PHF12: variants seen among roughly 807,000 people sequenced by gnomAD.
The protein encoded by PHF12 is PHD finger protein 12.
A neutral mutation model predicts 99.8 loss-of-function variants in PHF12; 6 were observed. That is an observed-to-expected ratio of 0.06 (90% CI 0.03 to 0.12). The LOEUF (loss-of-function observed/expected upper bound fraction) is 0.12. Ranked by LOEUF, PHF12 falls within the 10% of genes least tolerant of loss-of-function variation. The pLI is 1.00. For missense variants in PHF12, 954 were observed against 1,300.1 expected (o/e 0.73, Z 4.09); for synonymous variants, 480 against 514.9 (o/e 0.93, Z 0.92).
intron 6 of PHF12, 86 bp from the exon 7 acceptor site, chr17:28,917,535 T>G (rs1392746287): frequency 4.9e-6 from 7 of 1,441,888 alleles, no homozygotes; most frequent in Non-Finnish European, 5.6e-6. Flanking sequence ...GTTTAAAAAC[T>G]AGAAGCCCTC....
At position 28,929,031 on chromosome 17, in the gene PHF12, G is replaced by A. The variant is rs1011886837; in HGVS notation, c.249-1968C>T. ...GAATCGCTTGAACCTGGGAAGTGGAGGTTGCAGTGAGCCGAGACAGTGCCA... is the reference window on the plus strand; with the variant it reads ...GAATCGCTTGAACCTGGGAAGTGGAAGTTGCAGTGAGCCGAGACAGTGCCA... On this transcript the variant is annotated intron_variant, in intron 2 of 14. Transcript: ENST00000332830. Among the ~76,000 whole-genome samples, 20 of 151,258 alleles carry A rather than the reference G, an allele frequency of 1.3e-4. No homozygotes were observed. The East Asian group carries it at 4.0e-3, about 30-fold the overall frequency.
chr17:28,926,921 G>C, intron 3 of PHF12, 70 bp downstream of exon 3: 1 of 1,605,892 alleles, frequency 6.2e-7, no homozygotes, highest in Non-Finnish European at 8.5e-7. Context: ...GGGCTAGGCC[G>C]TCTTAGCTCT....
In PHF12 at chr17:28,950,333, C is replaced by T; in HGVS notation, c.67-87G>A. 1 of 1,356,744 alleles carries T rather than the reference C, an allele frequency of 7.4e-7. No individual in the cohort carries two copies. Among genetic ancestry groups the T allele is most frequent in the Non-Finnish European group, 9.9e-7 (1 of 1,005,656 alleles). 84.0% of individuals were successfully genotyped at this position (1,356,744 alleles called of 1,614,324 possible). On this transcript the variant is annotated intron_variant, in intron 1 of 14. Coordinates refer to ENST00000332830, the MANE Select transcript of PHF12 (RefSeq NM_001033561.2). This position sits in a 1 kb window ranked among gnomAD's most constrained non-coding sequence, Gnocchi z 5.7. Reference sequence around the variant, plus strand: ...CCCGGCGCGGTTTCTCCGTCACCCACCCCTCTCCCCCCTTTTGTCCTTCTT... The same window carrying T: ...CCCGGCGCGGTTTCTCCGTCACCCATCCCTCTCCCCCCTTTTGTCCTTCTT...
intron 2 of PHF12, among the ~76,000 whole-genome samples, chr17:28,939,265 T>C (rs1411072112): frequency 6.6e-6 from 1 of 152,212 alleles, no homozygotes; most frequent in African/African-American, 2.4e-5. Flanking sequence ...AAACAATGTT[T>C]ATTAAAAAGC....
intron 2 of PHF12, among the ~76,000 whole-genome samples, chr17:28,935,942 TTC>T (rs765484047): frequency 2.0e-5 from 3 of 152,172 alleles, no homozygotes; most frequent in Non-Finnish European, 4.4e-5. Context: ...ACTGACAGAT[TTC>T]TGTTTCAAAG....
intron 9 of PHF12, 181 bp from the exon 10 acceptor site, chr17:28,911,418 C>T (rs947913259): frequency 4.0e-6 from 3 of 752,366 alleles, no homozygotes; most frequent in South Asian, 1.9e-5. Flanking sequence ...GCAGATGGAA[C>T]GACAAAGCAC....
chr17:28,909,152 G>A, intron 11 of PHF12: 1 of 420,620 alleles, frequency 2.4e-6, no homozygotes, highest in South Asian at 3.2e-5. Flanking sequence ...CTGGGCTCCT[G>A]GCTGGCTAAT....
chr17:28,921,182 C>A (rs1191302109), intron 5 of PHF12, among the ~76,000 whole-genome samples: 1 of 150,612 alleles, frequency 6.6e-6, no homozygotes, highest in African/African-American at 2.4e-5. Flanking sequence ...CAGCGCCCGG[C>A]CCCTTGTTTT....
chr17:28,920,998 A>C (rs750719574), intron 5 of PHF12, among the ~76,000 whole-genome samples: 6 of 150,718 alleles, frequency 4.0e-5, no homozygotes, highest in Non-Finnish European at 8.9e-5. Context: ...CTCAGCCTTC[A>C]GAGTAGCTGG....
At chr17:28,907,424 G>A (rs1567946394) in intron 13 of PHF12, 166 bp downstream of exon 13, 2 of 652,620 alleles carry the variant, frequency 3.1e-6, no homozygotes, top group Non-Finnish European at 5.1e-6. Flanking sequence ...CAGGTAGGAT[G>A]CTATTTCACA....
intron 2 of PHF12, among the ~76,000 whole-genome samples, chr17:28,943,476 A>G (rs1425686128): frequency 6.6e-6 from 1 of 152,136 alleles, no homozygotes; most frequent in Admixed American, 6.5e-5. Flanking sequence ...CTAAAATTAC[A>G]AAAATTAGTC....
Position 28,949,886 on chromosome 17 carries a change from C to A in PHF12, c.248+179G>T. 1.5e-6 allele frequency: 1 copy of A among 686,458 alleles called. No homozygotes were observed. The allele number at this position is 686,458 out of a possible 1,614,324, so 42.5% of individuals were successfully genotyped here. A position where few individuals can be genotyped will look rare whatever the true frequency, so the allele number is the denominator to read the frequency against. On this transcript the variant is annotated intron_variant, in intron 2 of 14. Coordinates refer to ENST00000332830, the MANE Select transcript of PHF12 (RefSeq NM_001033561.2). The surrounding 1 kb of genome is among the most constrained non-coding windows in gnomAD (Gnocchi z 4.6). ...GTCCGGACCCACCGCTGCTCCTCCC[C>A]GCTAAACTGCCAGAACCCGGCGGAC... is the stretch of plus-strand genomic sequence containing the variant.
In PHF12 at chr17:28,914,055, A is replaced by G. The variant is rs200732143; in HGVS notation, c.1135-18T>C. On this transcript the variant is annotated intron_variant, in intron 7 of 14. Transcript: ENST00000332830. ...TCAGGAACCTGTTCAGGATAGATAG[A>G]AGGAGGAAGGAGAGGGAGATAGTTC... 1.9e-5 allele frequency: 30 copies of G among 1,583,096 alleles called. No individual in the cohort carries two copies. The highest frequency in any genetic ancestry group is 2.3e-5 in the East Asian group (1 of 44,164).
chr17:28,942,729 C>T (rs1453430000), intron 2 of PHF12, among the ~76,000 whole-genome samples: 9 of 151,770 alleles, frequency 5.9e-5, no homozygotes. Flanking sequence ...GGCAGGAGAA[C>T]CACTTGAACC....
At chr17:28,921,863 G>A (rs2040172920) in intron 4 of PHF12, 55 bp from the exon 5 acceptor site, 6 of 1,603,832 alleles carry the variant, frequency 3.7e-6, no homozygotes, top group Non-Finnish European at 4.3e-6. Context: ...TTCCTAGCCT[G>A]CAATATGGAA....
At chr17:28,933,139 G>GA (rs1186977151) in intron 2 of PHF12, among the ~76,000 whole-genome samples, 1 of 152,034 alleles carries the variant, frequency 6.6e-6, no homozygotes, top group African/African-American at 2.4e-5. Flanking sequence ...TCCTTTATAA[G>GA]AAAAAATCAT....
chr17:28,951,154 G>A lies in PHF12; in HGVS notation c.-194C>T. ...GACGACAGCGTCCTCCCGACGGGCCGCGAGGGGGGAGCGGCCCCTCAGTCC... is the reference window on the plus strand; with the variant it reads ...GACGACAGCGTCCTCCCGACGGGCCACGAGGGGGGAGCGGCCCCTCAGTCC... On this transcript the variant is annotated 5_prime_UTR_variant, in exon 1 of 15. Coordinates refer to ENST00000332830, the MANE Select transcript of PHF12 (RefSeq NM_001033561.2). 1 of 1,426,066 alleles carries A rather than the reference G, an allele frequency of 7.0e-7. No homozygotes were observed. The highest frequency in any genetic ancestry group is 1.5e-5 in the South Asian group (1 of 67,434). 88.3% of individuals were successfully genotyped at this position (1,426,066 alleles called of 1,614,324 possible).
chr17:28,942,964 C>T (rs2040648117), intron 2 of PHF12, among the ~76,000 whole-genome samples: 1 of 151,970 alleles, frequency 6.6e-6, no homozygotes, highest in Non-Finnish European at 1.5e-5. Flanking sequence ...TCTCATAACT[C>T]AATTAAAAAA....
In PHF12 at chr17:28,910,246, G is replaced by A; in HGVS notation, c.2339C>T (p.Ser780Phe). 1 of 1,614,116 alleles carries A rather than the reference G, an allele frequency of 6.2e-7. No individual in the cohort carries two copies. Among genetic ancestry groups the A allele is most frequent in the East Asian group, 2.2e-5 (1 of 44,904 alleles). ...PGSVGTHQLA[S>F]GGHHIEVQRK... The stretch of plus-strand genomic sequence containing the variant: ...CGCACCTTCTATGTGGTGCCCTCCA[G>A]AAGCCAGCTGATGTGTCCCGACACT... Residue 780 changes from serine to phenylalanine, a missense_variant, in exon 11 of 15, where the codon TCT (serine) becomes TTT (phenylalanine). Ser to Phe is a radical substitution (Grantham distance 155). Around this residue, in one of 8 missense-constraint regions of PHF12, gnomAD observed 143 missense variants for 191.8 expected, o/e 0.75. Transcript: ENST00000332830.
Sources: gnomAD v4.1 joint callset for allele counts (sites outside exome capture counted in the v4.1 genomes callset) on GRCh38, gnomAD v4.1.1 for gene constraint, gnomAD v4.1.1 regional missense constraint, Gnocchi (gnomAD v3.1) non-coding constraint, MANE v1.5 for transcripts, NCBI Gene and HGNC (gene_info 2026-07-23, HGNC 2026-07-21) for gene names.